Variants in IGF2BP1 observed in about 807,000 individuals in gnomAD.
IGF2BP1 encodes the protein insulin-like growth factor 2 mRNA-binding protein 1.
Under a neutral mutation model 74.9 loss-of-function variants are expected in IGF2BP1, and 11 were observed. The ratio of observed to expected loss-of-function variants is 0.15; its 90% CI spans 0.09 to 0.24. The LOEUF is 0.24. Among genes scored for constraint, IGF2BP1 ranks in the 10% least tolerant of loss-of-function variants. IGF2BP1 has a pLI of 1.00. For missense variants in IGF2BP1, 440 were observed against 757.4 expected, an observed-to-expected ratio of 0.58 and a Z score of 4.92; for synonymous variants, 287 against 281.8, an observed-to-expected ratio of 1.02 and a Z score of -0.18.
intron 4 of IGF2BP1, among the ~76,000 whole-genome samples, chr17:49,029,164 T>C (rs1375536434): frequency 1.5e-5 from 1 of 67,840 alleles, no homozygotes; most frequent in African/African-American, 7.1e-5. Context: ...TAGAACTTGC[T>C]TATTTATTAT....
intron 5 of IGF2BP1, among the ~76,000 whole-genome samples, chr17:49,033,222 C>T (rs1038390571): frequency 6.6e-6 from 1 of 152,180 alleles, no homozygotes; most frequent in Non-Finnish European, 1.5e-5. Context: ...AATCTTGGCT[C>T]ACTGCAACCT....
At chr17:49,019,938 A>ATATATATATATATATATT (rs1555597792) in intron 2 of IGF2BP1, among the ~76,000 whole-genome samples, 131 of 57,274 alleles carry the variant, frequency 2.3e-3, no homozygotes, top group Non-Finnish European at 3.8e-3. Flanking sequence ...ATATATATAT[A>ATATATATATATATATATT]TATATATATA....
In IGF2BP1 at chr17:48,997,730, C is replaced by A; in HGVS notation, c.-16C>A. 2 of 1,610,298 alleles carry A rather than the reference C, an allele frequency of 1.2e-6. No homozygotes were observed. Among genetic ancestry groups the A allele is most frequent in the Non-Finnish European group, 1.7e-6 (2 of 1,177,796 alleles). ...CGGCCTTGCCCGGGACCGCGTCCTGCCCCGAGACCGCCACCATGAACAAGC... is the reference window on the plus strand; with the variant it reads ...CGGCCTTGCCCGGGACCGCGTCCTGACCCGAGACCGCCACCATGAACAAGC... On this transcript the variant is annotated 5_prime_UTR_variant, in exon 1 of 15. Coordinates refer to ENST00000290341, the MANE Select transcript of IGF2BP1 (RefSeq NM_006546.4). This position sits in a 1 kb window ranked among gnomAD's most constrained non-coding sequence, Gnocchi z 4.8.
At chr17:49,029,837 C>T (rs182620461) in intron 4 of IGF2BP1, among the ~76,000 whole-genome samples, 2 of 151,172 alleles carry the variant, frequency 1.3e-5, no homozygotes, top group Non-Finnish European at 2.9e-5. Context: ...ACGGGGTCTC[C>T]CTATGTTGCC....
chr17:49,028,514 A>G (rs1292129282), intron 4 of IGF2BP1, among the ~76,000 whole-genome samples: 2 of 152,216 alleles, frequency 1.3e-5, no homozygotes, highest in African/African-American at 4.8e-5. Context: ...CACAGTTTAG[A>G]CTAATGAATA....
At chr17:49,014,827 C>T (rs2041673673) in intron 2 of IGF2BP1, 9 of 985,378 alleles carry the variant, frequency 9.1e-6, no homozygotes, top group Non-Finnish European at 1.1e-5. Context: ...GGGTCCTTCT[C>T]ATGGTGCGGT....
intron 9 of IGF2BP1, 30 bp from the exon 10 acceptor site, chr17:49,043,398 T>C: frequency 1.2e-6 from 2 of 1,612,438 alleles, no homozygotes; most frequent in Non-Finnish European, 1.7e-6. Flanking sequence ...CAGGGTGTGC[T>C]GACTCTTCCT....
In IGF2BP1 at chr17:49,013,282, A is replaced by G. The variant is rs572600842; in HGVS notation, c.237-12336A>G. 5.9e-5 allele frequency among the ~76,000 whole-genome samples: 9 copies of G among 152,264 alleles called. No homozygotes were observed. The South Asian group carries it at 6.2e-4, about 11-fold the overall frequency. On this transcript the variant is annotated intron_variant, in intron 2 of 14. Coordinates refer to ENST00000290341, the MANE Select transcript of IGF2BP1 (RefSeq NM_006546.4). ...GTATGACTTCTATTGTGACTTTGCT[A>G]TGGAGCTTCCCAGAAGGCCTTGGGG... is the stretch of plus-strand genomic sequence containing the variant.
intron 2 of IGF2BP1, among the ~76,000 whole-genome samples, chr17:49,015,433 G>C (rs2041687565): frequency 6.6e-6 from 1 of 152,182 alleles, no homozygotes; most frequent in African/African-American, 2.4e-5. Flanking sequence ...CGACCCCCGG[G>C]GGAAGATTCC....
chr17:49,014,847 C>T, intron 2 of IGF2BP1: 1 of 985,334 alleles, frequency 1.0e-6, no homozygotes, highest in Non-Finnish European at 1.2e-6. Context: ...TGGGAAGCTG[C>T]CGAAGACAGA....
chr17:49,001,470 G>GT (rs905527128), intron 2 of IGF2BP1, among the ~76,000 whole-genome samples: 8 of 151,944 alleles, frequency 5.3e-5, no homozygotes, highest in Non-Finnish European at 7.4e-5. Flanking sequence ...GTTTTGTTTT[G>GT]TTTTTTAAGA....
chr17:49,046,203 C>T (rs2042106026), intron 13 of IGF2BP1, 57 bp from the exon 14 acceptor site: 1 of 1,520,212 alleles, frequency 6.6e-7, no homozygotes, highest in Non-Finnish European at 9.1e-7. Flanking sequence ...GCTCCTCCCT[C>T]CAACCCCACC....
intron 2 of IGF2BP1, among the ~76,000 whole-genome samples, chr17:49,009,516 C>T (rs531264808): frequency 6.6e-6 from 1 of 151,630 alleles, no homozygotes; most frequent in East Asian, 2.0e-4. Context: ...TCAAGACCAG[C>T]CTGGCCAACA....
At chr17:49,036,486 T>A (rs1567823784) in intron 5 of IGF2BP1, 1 of 150,834 alleles carries the variant, frequency 6.6e-6, no homozygotes, top group Non-Finnish European at 1.5e-5. Flanking sequence ...TAAAAAAAAA[T>A]GGGGGACTGC....
chr17:49,026,723 G>T (rs878928196), intron 4 of IGF2BP1, among the ~76,000 whole-genome samples: 2 of 130,810 alleles, frequency 1.5e-5, no homozygotes, highest in East Asian at 2.4e-4. Context: ...CTTCCTGCCT[G>T]CCTTCCTGCC....
chr17:49,016,427 G>T (rs903090740), intron 2 of IGF2BP1, among the ~76,000 whole-genome samples: 4 of 152,284 alleles, frequency 2.6e-5, no homozygotes, highest in Admixed American at 2.6e-4. Context: ...ACGTGTGTGT[G>T]TGTGTGTGGG....
At chr17:49,042,922 G>A (rs575131445) in intron 9 of IGF2BP1, among the ~76,000 whole-genome samples, 4 of 152,230 alleles carry the variant, frequency 2.6e-5, no homozygotes, top group South Asian at 4.2e-4. Context: ...GGGCTCAAGC[G>A]ATTCTCCTAC....
Position 49,055,672 on chromosome 17 carries a change from G to T in IGF2BP1, c.*6228G>T. On this transcript the variant is annotated 3_prime_UTR_variant, in exon 15 of 15. Transcript: ENST00000290341. Reference sequence around the variant, plus strand: ...CATTTGGAGTCTCCCTTTTCTCCAGGATCTTGATCCTGGTCCCCAAAACCA... The same window carrying T: ...CATTTGGAGTCTCCCTTTTCTCCAGTATCTTGATCCTGGTCCCCAAAACCA... The T allele has an allele frequency of 2.5e-6, 1 of 398,408 alleles. No individual in the cohort carries two copies. Among genetic ancestry groups the T allele is most frequent in the South Asian group, 1.3e-4 (1 of 7,842 alleles). The allele number at this position is 398,408 out of a possible 1,614,324, so 24.7% of individuals were successfully genotyped here.
chr17:49,014,985 A>G (rs2041677399), intron 2 of IGF2BP1: 3 of 972,520 alleles, frequency 3.1e-6, no homozygotes, highest in Non-Finnish European at 3.7e-6. Flanking sequence ...TCCACTGGGC[A>G]CCAGCTCCAT....
Sources: gnomAD v4.1 joint callset for allele counts (sites outside exome capture counted in the v4.1 genomes callset) on GRCh38, gnomAD v4.1.1 for gene constraint, Gnocchi (gnomAD v3.1) non-coding constraint, MANE v1.5 for transcripts, NCBI Gene and HGNC (gene_info 2026-07-23, HGNC 2026-07-21) for gene names.